CHD9: variants seen among roughly 807,000 people sequenced by gnomAD.
CHD9 encodes ATP-dependent chromatin remodeler CHD9.
CHD9 carries 77 observed loss-of-function variants against 316.1 expected under a neutral mutation model. That is an observed-to-expected ratio of 0.24 (90% CI 0.20 to 0.29). The LOEUF is 0.29. CHD9 is among the 10% of genes least tolerant of loss of function. The pLI is 1.00. For synonymous variants in CHD9, 1,129 were observed against 1,158.3 expected (o/e 0.97, Z 0.51); for missense variants, 2,763 against 3,438.1 (o/e 0.80, Z 4.91).
intron 30 of CHD9, 71 bp from the exon 31 acceptor site, chr16:53,303,649 T>C (rs558370664): frequency 9.2e-7 from 1 of 1,085,274 alleles, no homozygotes; most frequent in South Asian, 2.1e-5. Context: ...TATAAAGATG[T>C]ATTTATAATG....
At chr16:53,094,929 G>A (rs564291676) in intron 1 of CHD9, among the ~76,000 whole-genome samples, 6 of 152,284 alleles carry the variant, frequency 3.9e-5, no homozygotes, top group Middle Eastern at 6.8e-3. Flanking sequence ...GTGAGCCACC[G>A]CGCCCGGCCT....
chr16:53,138,138 G>A (rs1377822986), intron 1 of CHD9, among the ~76,000 whole-genome samples: 2 of 152,192 alleles, frequency 1.3e-5, no homozygotes, highest in East Asian at 3.8e-4. Context: ...ACATCGTTAA[G>A]TAGAGACTTA....
chr16:53,146,419 G>GTGTGTGTGTGTGTATATATATATATATA (rs1555492145), intron 1 of CHD9, among the ~76,000 whole-genome samples: 1 of 76,714 alleles, frequency 1.3e-5, no homozygotes, highest in African/African-American at 5.9e-5. Context: ...GTGTGTGTAT[G>GTGTGTGTGTGTGTATATATATATATATA]TATATATATA....
intron 1 of CHD9, among the ~76,000 whole-genome samples, chr16:53,058,041 T>C (rs1289002059): frequency 1.3e-5 from 2 of 152,216 alleles, no homozygotes; most frequent in African/African-American, 2.4e-5. Context: ...GCATGAGTTA[T>C]AGTGCAGTTG....
rs551491960 is a variant in CHD9 at position 53,074,383 on chromosome 16, T to G, written c.-165+19306T>G. Among the ~76,000 whole-genome samples, 4 of 152,294 alleles carry G rather than the reference T, an allele frequency of 2.6e-5. No individual in the cohort carries two copies. The East Asian group carries it at 7.7e-4, about 29-fold the overall frequency. On this transcript the variant is annotated intron_variant, in intron 1 of 38. Transcript: ENST00000447540. ...GCAAATCCCATTTTCTGAGGAGACA[T>G]TCAAGCAGGCTGCAAAAATTTGCAT... is the stretch of plus-strand genomic sequence containing the variant.
chr16:53,236,754 C>G lies in CHD9; in HGVS notation c.2633+1448C>G, dbSNP rs147306725. On this transcript the variant is annotated intron_variant, in intron 11 of 38. Transcript: ENST00000447540. ...ATTGGTTAGTAGTTGGTACTCCTTCCTTCTTTAAACATTCCCCTCACTCTG... is the reference window on the plus strand; with the variant it reads ...ATTGGTTAGTAGTTGGTACTCCTTCGTTCTTTAAACATTCCCCTCACTCTG... Among the ~76,000 whole-genome samples, 523 of 151,986 alleles carry G rather than the reference C, an allele frequency of 3.4e-3. 5 individuals carry two copies. Among genetic ancestry groups the G allele is most frequent in the Non-Finnish European group, 3.8e-3 (258 of 67,942 alleles).
intron 2 of CHD9, among the ~76,000 whole-genome samples, chr16:53,202,219 C>A (rs2045519231): frequency 6.6e-6 from 1 of 152,078 alleles, no homozygotes; most frequent in African/African-American, 2.4e-5. Context: ...AAAAAGATAA[C>A]CATAATTCTC....
chr16:53,121,372 G>A (rs543488837), intron 1 of CHD9: 45 of 456,020 alleles, frequency 9.9e-5, no homozygotes, highest in Admixed American at 3.3e-4. Context: ...TGAGATGCTC[G>A]GGGATATTTT....
intron 2 of CHD9, among the ~76,000 whole-genome samples, chr16:53,192,528 T>C (rs1296408037): frequency 6.6e-6 from 1 of 152,206 alleles, no homozygotes; most frequent in African/African-American, 2.4e-5. Flanking sequence ...TATTCATCTT[T>C]TGTGTCATAT....
intron 23 of CHD9, 122 bp downstream of exon 23, chr16:53,273,907 T>C: frequency 2.3e-6 from 2 of 878,374 alleles, no homozygotes; most frequent in Non-Finnish European, 3.5e-6. Context: ...ATCCTAATCC[T>C]AATTTTACAA....
chr16:53,187,900 T>C (rs956101395), intron 2 of CHD9, among the ~76,000 whole-genome samples: 11 of 152,150 alleles, frequency 7.2e-5, no homozygotes, highest in African/African-American at 2.7e-4. Flanking sequence ...AAAAGAGTAA[T>C]CTTGAATATT....
At chr16:53,317,115 G>C (rs1285320922) in intron 36 of CHD9, among the ~76,000 whole-genome samples, 1 of 139,996 alleles carries the variant, frequency 7.1e-6, no homozygotes, top group Non-Finnish European at 1.5e-5. Flanking sequence ...AGAATCTCTT[G>C]AACCCGGGAG....
intron 29 of CHD9, 63 bp downstream of exon 29, chr16:53,293,115 G>C (rs1045845022): frequency 5.7e-6 from 8 of 1,399,208 alleles, no homozygotes; most frequent in African/African-American, 1.4e-5. Flanking sequence ...TCTAAAGCCT[G>C]TCTGGGTACA....
chr16:53,262,170 A>G (rs1597703683), intron 19 of CHD9, among the ~76,000 whole-genome samples: 1 of 152,134 alleles, frequency 6.6e-6, no homozygotes, highest in Admixed American at 6.5e-5. Context: ...AAATTCACAT[A>G]TATTTTTCAG....
intron 33 of CHD9, among the ~76,000 whole-genome samples, chr16:53,308,167 A>G (rs2056154560): frequency 6.6e-6 from 1 of 152,186 alleles, no homozygotes; most frequent in Admixed American, 6.5e-5. Flanking sequence ...GCTTCTGAAA[A>G]TAGTTCTAAT....
chr16:53,095,731 TG>T (rs2036322648), intron 1 of CHD9, among the ~76,000 whole-genome samples: 1 of 152,226 alleles, frequency 6.6e-6, no homozygotes, highest in Non-Finnish European at 1.5e-5. Context: ...GGGAATTTAC[TG>T]AATCTCCTGT....
At chr16:53,117,287 C>A (rs1481344224) in intron 1 of CHD9, among the ~76,000 whole-genome samples, 1 of 151,870 alleles carries the variant, frequency 6.6e-6, no homozygotes, top group African/African-American at 2.4e-5. Context: ...CCATGATAAA[C>A]AATGCAAAGG....
intron 3 of CHD9, among the ~76,000 whole-genome samples, chr16:53,222,044 A>G (rs1372802654): frequency 6.6e-6 from 1 of 151,714 alleles, no homozygotes; most frequent in Non-Finnish European, 1.5e-5. Context: ...TACCTGCTAA[A>G]TTTATTTATT....
intron 3 of CHD9, among the ~76,000 whole-genome samples, chr16:53,213,164 C>T (rs890333261): frequency 5.3e-5 from 8 of 152,232 alleles, no homozygotes; most frequent in African/African-American, 1.9e-4. Context: ...TTGACATGAC[C>T]ATGCCTCTGT....
Sources: allele counts gnomAD v4.1 joint callset (sites outside exome capture counted in the v4.1 genomes callset), GRCh38; gene constraint gnomAD v4.1.1; transcripts MANE v1.5; gene names NCBI Gene and HGNC (gene_info 2026-07-23, HGNC 2026-07-21).